Variants in CSNK1G1 observed in about 807,000 individuals in gnomAD.
The protein encoded by CSNK1G1 is casein kinase 1 gamma 1.
A neutral mutation model predicts 59.6 loss-of-function variants in CSNK1G1; 22 were observed. That is an observed-to-expected ratio of 0.37 (90% CI 0.26 to 0.53). The LOEUF is 0.53. Among genes scored for constraint, CSNK1G1 ranks in the 20% least tolerant of loss-of-function variants. The probability of loss-of-function intolerance (pLI) is 0.89; values close to 1 mark genes in which losing one functional copy is unlikely to be tolerated. For synonymous variants in CSNK1G1, 179 were observed against 177.1 expected, an observed-to-expected ratio of 1.01 and a Z score of -0.08; for missense variants, 384 against 519.5, an observed-to-expected ratio of 0.74 and a Z score of 2.54.
intron 1 of CSNK1G1, among the ~76,000 whole-genome samples, chr15:64,319,110 C>T (rs1473558252): frequency 6.6e-6 from 1 of 152,072 alleles, no homozygotes; most frequent in African/African-American, 2.4e-5. Flanking sequence ...GCCTCAGCCT[C>T]CCAAAGTGCT....
rs534189671 is a variant in CSNK1G1, at chr15:64,170,831, C to T, written c.*1100G>A. On this transcript the variant is annotated 3_prime_UTR_variant, in exon 12 of 12. Coordinates refer to ENST00000303052, the MANE Select transcript of CSNK1G1 (RefSeq NM_022048.5). ...GCTGTTTCCTGGTCACAGTCTGGCT[C>T]GGCTGGCTCATCTCATGTTCTGGAG... 5 of 152,670 alleles carry T rather than the reference C, an allele frequency of 3.3e-5. No individual in the cohort carries two copies. Among genetic ancestry groups the T allele is most frequent in the South Asian group, 2.1e-4 (1 of 4,820 alleles). The allele number at this position is 152,670 out of a possible 1,614,324, so 9.5% of individuals were successfully genotyped here. A position where few individuals can be genotyped will look rare whatever the true frequency, so the allele number is the denominator to read the frequency against.
chr15:64,196,734 G>C (rs1250514835), intron 10 of CSNK1G1, among the ~76,000 whole-genome samples: 1 of 151,644 alleles, frequency 6.6e-6, no homozygotes, highest in Non-Finnish European at 1.5e-5. Flanking sequence ...TTACAGGCGG[G>C]AGCCACCATG....
chr15:64,172,318 T>G (rs576263296), intron 11 of CSNK1G1, among the ~76,000 whole-genome samples: 1 of 152,324 alleles, frequency 6.6e-6, no homozygotes, highest in African/African-American at 2.4e-5. Flanking sequence ...TCAAGAGTCA[T>G]GACTGGGGGT....
intron 4 of CSNK1G1, among the ~76,000 whole-genome samples, chr15:64,246,731 T>C (rs1215029111): frequency 2.7e-5 from 4 of 150,130 alleles, no homozygotes; most frequent in East Asian, 4.0e-4. Context: ...TAGATTACAA[T>C]AGCTGCTGGG....
intron 1 of CSNK1G1, among the ~76,000 whole-genome samples, chr15:64,318,060 G>A (rs972039721): frequency 1.3e-5 from 2 of 152,196 alleles, no homozygotes; most frequent in African/African-American, 4.8e-5. Flanking sequence ...TCCAACTTAG[G>A]TGGGGAGTTC....
chr15:64,191,683 A>T (rs2081973255), intron 10 of CSNK1G1, among the ~76,000 whole-genome samples: 1 of 152,224 alleles, frequency 6.6e-6, no homozygotes, highest in Non-Finnish European at 1.5e-5. Flanking sequence ...TATCTTTTAA[A>T]GATAAATAGA....
At chr15:64,219,735 A>AG (rs2082360607) in intron 4 of CSNK1G1, among the ~76,000 whole-genome samples, 2 of 150,464 alleles carry the variant, frequency 1.3e-5, no homozygotes, top group Admixed American at 6.6e-5. Flanking sequence ...CTAAGATTAC[A>AG]GGGATGCCTC....
chr15:64,250,614 G>A (rs781657988), intron 4 of CSNK1G1, among the ~76,000 whole-genome samples: 1 of 152,082 alleles, frequency 6.6e-6, no homozygotes, highest in Non-Finnish European at 1.5e-5. Flanking sequence ...GTGTGGTGGT[G>A]CATGCCTACA....
At chr15:64,323,616 C>T (rs527975078) in intron 1 of CSNK1G1, among the ~76,000 whole-genome samples, 1 of 152,074 alleles carries the variant, frequency 6.6e-6, no homozygotes, top group East Asian at 1.9e-4. Context: ...CCACCCGCCT[C>T]GGCCTCCCAA....
chr15:64,207,508 C>A lies in CSNK1G1; in HGVS notation c.765+1G>T. 6.2e-7 allele frequency: 1 copy of A among 1,607,648 alleles called. No homozygotes were observed. The highest frequency in any genetic ancestry group is 1.3e-5 in the African/African-American group (1 of 74,886). On this transcript the variant is annotated splice_donor_variant, in intron 7 of 11. Coordinates refer to ENST00000303052, the MANE Select transcript of CSNK1G1 (RefSeq NM_022048.5). LOFTEE classifies it high-confidence loss of function. ...CCTCCACTGAACACTTTCAAGGATACCTTGAGTCCTTGCCAGGGGAGGCTG... is the reference window on the plus strand; with the variant it reads ...CCTCCACTGAACACTTTCAAGGATAACTTGAGTCCTTGCCAGGGGAGGCTG...
intron 4 of CSNK1G1, among the ~76,000 whole-genome samples, chr15:64,248,688 T>A (rs1891893731): frequency 6.6e-6 from 1 of 151,750 alleles, no homozygotes; most frequent in Non-Finnish European, 1.5e-5. Flanking sequence ...CTGGAAAAAA[T>A]AAAATAAAAA....
At chr15:64,242,624 T>TA (rs1338943391) in intron 4 of CSNK1G1, among the ~76,000 whole-genome samples, 1 of 152,214 alleles carries the variant, frequency 6.6e-6, no homozygotes, top group Admixed American at 6.5e-5. Flanking sequence ...AAGAATGGCC[T>TA]AATACGGCTT....
chr15:64,185,388 C>CCCAAAGAGG (rs1441693138), intron 10 of CSNK1G1, among the ~76,000 whole-genome samples: 1 of 152,190 alleles, frequency 6.6e-6, no homozygotes, highest in Non-Finnish European at 1.5e-5. Flanking sequence ...ACAGTGTCAG[C>CCCAAAGAGG]CCAAAGAGGC....
intron 10 of CSNK1G1, chr15:64,195,093 A>C (rs1013845435): frequency 6.6e-6 from 1 of 152,260 alleles, no homozygotes; most frequent in African/African-American, 2.4e-5. Flanking sequence ...GTACAAAATT[A>C]CAAAGAATAA....
At chr15:64,262,890 C>T (rs1024456694) in intron 2 of CSNK1G1, among the ~76,000 whole-genome samples, 1 of 151,906 alleles carries the variant, frequency 6.6e-6, no homozygotes, top group Admixed American at 6.6e-5. Context: ...ACCAGCCTGA[C>T]CAACATGGAG....
chr15:64,333,193 G>A (rs916114767), intron 1 of CSNK1G1, among the ~76,000 whole-genome samples: 1 of 129,244 alleles, frequency 7.7e-6, no homozygotes, highest in African/African-American at 2.8e-5. Flanking sequence ...GGAGGCCAAG[G>A]TTGCAGTCAG....
intron 1 of CSNK1G1, among the ~76,000 whole-genome samples, chr15:64,341,786 T>C (rs976315470): frequency 6.6e-6 from 1 of 152,150 alleles, no homozygotes; most frequent in Non-Finnish European, 1.5e-5. Flanking sequence ...AAAGTGGTAT[T>C]ACAGTAAGCT....
intron 1 of CSNK1G1, among the ~76,000 whole-genome samples, chr15:64,308,274 T>G (rs987172139): frequency 2.0e-5 from 3 of 152,082 alleles, no homozygotes; most frequent in African/African-American, 7.3e-5. Flanking sequence ...TTTATTATAT[T>G]TTTTTGTAGA....
At chr15:64,334,541 A>T (rs1897276340) in intron 1 of CSNK1G1, among the ~76,000 whole-genome samples, 1 of 152,184 alleles carries the variant, frequency 6.6e-6, no homozygotes, top group African/African-American at 2.4e-5. Flanking sequence ...GGGAGCCCTG[A>T]GCTTGTTTTC....
Sources: gnomAD v4.1 joint callset for allele counts (sites outside exome capture counted in the v4.1 genomes callset) on GRCh38, gnomAD v4.1.1 for gene constraint, MANE v1.5 for transcripts, NCBI Gene and HGNC (gene_info 2026-07-23, HGNC 2026-07-21) for gene names.